TTLL3: variants seen among roughly 807,000 people sequenced by gnomAD.
TTLL3 encodes the protein tubulin tyrosine ligase like 3.
TTLL3 carries 63 observed loss-of-function variants against 75.2 expected under a neutral mutation model. The ratio of observed to expected loss-of-function variants is 0.84; its 90% confidence interval spans 0.68 to 1.03. The LOEUF (loss-of-function observed/expected upper bound fraction) is 1.03, where lower values mean the gene tolerates loss of function less well. TTLL3 is among the 50% of genes least tolerant of loss of function. The pLI is 0.00. For missense variants in TTLL3, 997 were observed against 1,069.9 expected, an observed-to-expected ratio of 0.93 and a Z score of 0.95; for synonymous variants, 393 against 418.5, an observed-to-expected ratio of 0.94 and a Z score of 0.74.
chr3:9,834,794 G>T lies in TTLL3; in HGVS notation c.1939G>T (p.Ala647Ser), dbSNP rs1459363320. The T allele has an allele frequency of 1.2e-6, 2 of 1,614,068 alleles. No homozygotes were observed. Among genetic ancestry groups the T allele is most frequent in the African/African-American group, 2.7e-5 (2 of 74,916 alleles). The change falls in exon 13 of 14, where the codon GCC becomes TCC. Residue 647 changes from alanine to serine, a missense_variant. Coordinates refer to ENST00000685419, the MANE Select transcript of TTLL3 (RefSeq NM_001387446.1). ...RQHSKLVGTK[A>S]LSTTGKALRT... The stretch of plus-strand genomic sequence containing the variant: ...GCACAGCAAGCTGGTGGGCACTAAG[G>T]CCCTGTCGACCACAGGCAAGGCCTT...
chr3:9,816,048 G>A (rs376564918), intron 4 of TTLL3, 26 bp from the exon 5 acceptor site: 9 of 1,343,984 alleles, frequency 6.7e-6, no homozygotes, highest in Middle Eastern at 2.1e-4. Flanking sequence ...TGGCCTCTGT[G>A]TTTCTGTCTC....
intron 4 of TTLL3, among the ~76,000 whole-genome samples, chr3:9,814,268 G>A (rs1371412066): frequency 6.6e-6 from 1 of 151,998 alleles, no homozygotes; most frequent in East Asian, 1.9e-4. Flanking sequence ...CCCAGGAGGT[G>A]GAAGTTGCAG....
At chr3:9,823,555 G>T (rs6780456) in intron 8 of TTLL3, among the ~76,000 whole-genome samples, 9 of 151,204 alleles carry the variant, frequency 6.0e-5, no homozygotes, top group African/African-American at 2.2e-4. Flanking sequence ...TTCAAATTAC[G>T]CTCCTGTGTG....
Position 9,833,095 on chromosome 3 carries a change from T to G in TTLL3, c.1684-9T>G, listed in dbSNP as rs779750810. 1.2e-4 allele frequency: 187 copies of G among 1,613,874 alleles called. No homozygotes were observed. Among genetic ancestry groups the G allele is most frequent in the Non-Finnish European group, 1.5e-4 (172 of 1,179,876 alleles). On this transcript the variant is annotated splice_polypyrimidine_tract_variant and intron_variant, in intron 11 of 13. Transcript: ENST00000685419. ...CTGAGTGGGCCTTGTCTCCTCTTCTTGCCCACAGCCTGCTGTGGAGGTGCC... is the reference window on the plus strand; with the variant it reads ...CTGAGTGGGCCTTGTCTCCTCTTCTGGCCCACAGCCTGCTGTGGAGGTGCC...
chr3:9,809,872 GCAATA>G, upstream of TTLL3: 1 of 653,156 alleles, frequency 1.5e-6, no homozygotes, highest in African/African-American at 2.0e-5. Flanking sequence ...GGTTTCCAAG[GCAATA>G]GCAAACGGGG....
chr3:9,830,034 G>A (rs979070228), intron 11 of TTLL3, among the ~76,000 whole-genome samples: 2 of 152,098 alleles, frequency 1.3e-5, no homozygotes, highest in African/African-American at 2.4e-5. Flanking sequence ...GTAGATACAG[G>A]GTTTTGCCAT....
At chr3:9,810,144 C>T (rs2079205029), upstream of TTLL3, 4 of 1,475,292 alleles carry the variant, frequency 2.7e-6, no homozygotes, top group Non-Finnish European at 3.6e-6. This position sits in a 1 kb window ranked among gnomAD's most constrained non-coding sequence, Gnocchi z 4.4. Context: ...TCGAGCCACG[C>T]ACCAGTTTCC....
In TTLL3 at chr3:9,813,008, C is replaced by A; in HGVS notation, c.114C>A (p.Gly38=). ...TCCGGTGTCTCTTGCGCCGGAGGGG[C>A]TGGGTGGAGAAGAAGATGGTCCATC... The part of the protein sequence containing the change: ...PVIRCLLRRR[G]WVEKKMVHRS... Residue 38 remains glycine (G), a synonymous_variant, in exon 3 of 14, where the codon GGC becomes GGA. Coordinates refer to ENST00000685419, the MANE Select transcript of TTLL3 (RefSeq NM_001387446.1). 1 of 1,575,088 alleles carries A rather than the reference C, an allele frequency of 6.3e-7. No homozygotes were observed. The highest frequency in any genetic ancestry group is 8.6e-7 in the Non-Finnish European group (1 of 1,158,852).
chr3:9,818,607 A>T, intron 6 of TTLL3: 1 of 1,336,918 alleles, frequency 7.5e-7, no homozygotes, highest in Non-Finnish European at 9.7e-7. Context: ...TGACCTCATG[A>T]TCCATCCACC....
chr3:9,826,929 T>C lies in TTLL3; in HGVS notation c.1004-68T>C, dbSNP rs967857493. The C allele has an allele frequency of 3.4e-5, 55 of 1,601,676 alleles. No homozygotes were observed. In the African/African-American group the frequency reaches 6.9e-4, roughly 20 times the overall value. On this transcript the variant is annotated intron_variant, in intron 9 of 13. Transcript: ENST00000685419. ...TCAGCTCCGAGGGGACAAGAGCTCATGACAAGCTGGCCCTTCTCCTGGCCC... is the reference window on the plus strand; with the variant it reads ...TCAGCTCCGAGGGGACAAGAGCTCACGACAAGCTGGCCCTTCTCCTGGCCC...
At chr3:9,814,803 A>C (rs1178531876) in intron 4 of TTLL3, among the ~76,000 whole-genome samples, 1 of 152,150 alleles carries the variant, frequency 6.6e-6, no homozygotes, top group African/African-American at 2.4e-5. Flanking sequence ...CCTGGGTGAC[A>C]GAACAAGCGA....
chr3:9,829,305 T>G lies in TTLL3; in HGVS notation c.1593T>G (p.Ala531=). 1.2e-6 allele frequency: 2 copies of G among 1,613,984 alleles called. No individual in the cohort carries two copies. The highest frequency in any genetic ancestry group is 1.7e-6 in the Non-Finnish European group (2 of 1,179,952). The part of the protein sequence containing the change: ...PSTAVTARLC[A]GVQADTLRVV... The stretch of plus-strand genomic sequence containing the variant: ...CAGCAGTCACTGCCCGGCTCTGTGC[T>G]GGCGTGCAAGCTGACACCCTGCGCG... The change falls in exon 11 of 14, where the codon GCT becomes GCG. Residue 531 remains alanine (A), a synonymous_variant. Coordinates refer to ENST00000685419, the MANE Select transcript of TTLL3 (RefSeq NM_001387446.1).
chr3:9,833,137 C>T lies in TTLL3; in HGVS notation c.1717C>T (p.Arg573Trp), dbSNP rs373701212. The T allele has an allele frequency of 1.2e-5, 19 of 1,614,046 alleles. No individual in the cohort carries two copies. In the Admixed American group the frequency reaches 1.8e-4, roughly 16 times the overall value. Reference sequence around the variant, plus strand: ...GGAGGTGCCTCAATATGTGGGCATCCGGCTCCTGGTAGAGGGCTTCACCAT... The same window carrying T: ...GGAGGTGCCTCAATATGTGGGCATCTGGCTCCTGGTAGAGGGCTTCACCAT... ...AVEVPQYVGI[R>W]LLVEGFTIKK... The change falls in exon 12 of 14, where the codon CGG (arginine) becomes TGG (tryptophan). Residue 573 changes from arginine (R) to tryptophan (W), a missense_variant. Transcript: ENST00000685419.
chr3:9,820,801 C>T (rs1045379362), intron 8 of TTLL3, 60 bp downstream of exon 8: 32 of 1,588,922 alleles, frequency 2.0e-5, no homozygotes, highest in Non-Finnish European at 2.7e-5. Context: ...TAGACCCTTT[C>T]TGTCTCGTGC....
At chr3:9,819,014 C>T (rs1351353954) in intron 7 of TTLL3, 94 bp downstream of exon 7, 39 of 1,512,428 alleles carry the variant, frequency 2.6e-5, no homozygotes, top group Admixed American at 3.4e-5. Flanking sequence ...TATTCATCCA[C>T]GCACCTACTG....
chr3:9,810,731 C>T lies in TTLL3; in HGVS notation c.48+22C>T. The T allele has an allele frequency of 1.9e-6, 3 of 1,572,354 alleles. No individual in the cohort carries two copies. The highest frequency in any genetic ancestry group is 2.6e-6 in the Non-Finnish European group (3 of 1,158,416). On this transcript the variant is annotated intron_variant, in intron 2 of 13. Transcript: ENST00000685419. The surrounding 1 kb of genome is among the most constrained non-coding windows in gnomAD (Gnocchi z 4.4). ...CAAGGTCAGAGGAGGGGCAGGGGCG[C>T]TTAGAAAGGGCCCTGGGAGCGGCTC...
At chr3:9,830,816 T>A (rs1282519545) in intron 11 of TTLL3, among the ~76,000 whole-genome samples, 1 of 152,138 alleles carries the variant, frequency 6.6e-6, no homozygotes, top group Non-Finnish European at 1.5e-5. Flanking sequence ...ATATCTTTTT[T>A]TTTTGAGACG....
chr3:9,820,310 G>T, intron 7 of TTLL3: 1 of 1,371,948 alleles, frequency 7.3e-7, no homozygotes, highest in Non-Finnish European at 9.4e-7. Context: ...GGGACATTTA[G>T]GGCAGAGCCT....
chr3:9,820,804 T>A, intron 8 of TTLL3, 63 bp downstream of exon 8: 1 of 1,585,546 alleles, frequency 6.3e-7, no homozygotes, highest in Non-Finnish European at 8.6e-7. Flanking sequence ...ACCCTTTCTG[T>A]CTCGTGCAGC....
Sources: gnomAD v4.1 joint callset for allele counts (sites outside exome capture counted in the v4.1 genomes callset) on GRCh38, gnomAD v4.1.1 for gene constraint, Gnocchi (gnomAD v3.1) non-coding constraint, MANE v1.5 for transcripts, NCBI Gene and HGNC (gene_info 2026-07-23, HGNC 2026-07-21) for gene names.